The following PI4KA variants were observed in gnomAD, a reference collection of about 807,000 sequenced individuals.
PI4KA encodes the protein PI4-kinase alpha.
PI4KA carries 122 observed loss-of-function variants against 271.4 expected under a neutral mutation model. That is an observed-to-expected ratio of 0.45 (90% CI 0.39 to 0.52). The LOEUF (loss-of-function observed/expected upper bound fraction) is 0.52, where lower values mean the gene tolerates loss of function less well. Ranked by LOEUF, PI4KA falls within the 20% of genes least tolerant of loss-of-function variation. The pLI is 0.00. For synonymous variants in PI4KA, 1,041 were observed against 1,078.8 expected (o/e 0.96, Z 0.69); for missense variants, 1,969 against 2,769.1 (o/e 0.71, Z 6.48).
At chr22:20,715,785 T>A (rs1925924587) in intron 45 of PI4KA, among the ~76,000 whole-genome samples, 1 of 152,222 alleles carries the variant, frequency 6.6e-6, no homozygotes, top group East Asian at 1.9e-4. Context: ...ACATTGTTTC[T>A]TTATGTTTAT....
intron 1 of PI4KA, among the ~76,000 whole-genome samples, chr22:20,848,415 G>A (rs1051146015): frequency 6.6e-6 from 1 of 151,982 alleles, no homozygotes; most frequent in African/African-American, 2.4e-5. Context: ...TCTTGAAAAG[G>A]AAGGACAAAA....
chr22:20,786,781 T>C (rs1280476053), intron 19 of PI4KA: 7 of 1,270,016 alleles, frequency 5.5e-6, no homozygotes, highest in Non-Finnish European at 8.0e-6. Flanking sequence ...ATGTTGTCTT[T>C]GGATCCTTTC....
At chr22:20,727,420 C>A in intron 40 of PI4KA, 23 bp from the exon 41 acceptor site, 1 of 1,584,914 alleles carries the variant, frequency 6.3e-7, no homozygotes, top group Non-Finnish European at 8.6e-7. Flanking sequence ...TGGGGAGATG[C>A]TGTGGCTTGG....
chr22:20,845,775 G>A (rs1023857897), intron 1 of PI4KA, among the ~76,000 whole-genome samples: 2 of 152,186 alleles, frequency 1.3e-5, no homozygotes, highest in African/African-American at 4.8e-5. Flanking sequence ...TGAGGTGGGA[G>A]TACTGCTTGA....
intron 32 of PI4KA, among the ~76,000 whole-genome samples, chr22:20,735,439 T>G (rs1487247949): frequency 6.8e-6 from 1 of 147,256 alleles, no homozygotes; most frequent in African/African-American, 2.5e-5. Context: ...TTCTTCCTCA[T>G]GAGGTGGATC....
At chr22:20,718,245 T>C (rs1351967064) in intron 44 of PI4KA, among the ~76,000 whole-genome samples, 1 of 152,196 alleles carries the variant, frequency 6.6e-6, no homozygotes, top group East Asian at 1.9e-4. Context: ...CCCTTATGAA[T>C]GCACAAAGCC....
chr22:20,822,317 G>A (rs968607797), intron 4 of PI4KA, among the ~76,000 whole-genome samples: 1 of 152,180 alleles, frequency 6.6e-6, no homozygotes, highest in Non-Finnish European at 1.5e-5. Flanking sequence ...AGAATGTTGG[G>A]ATTACAGGCG....
chr22:20,712,576 G>A lies in PI4KA; in HGVS notation c.5712C>T (p.Ser1904=), dbSNP rs764921405. 15 of 1,589,774 alleles carry A rather than the reference G, an allele frequency of 9.4e-6. No individual in the cohort carries two copies. The highest frequency in any genetic ancestry group is 1.2e-5 in the Non-Finnish European group (14 of 1,169,616). ...CTGTCTGGCGGCCCAGCTGGTCCCG[G>A]GAGGTGCAGTCGGGGATGCACTCGA... The part of the protein sequence containing the change: ...GVIECIPDCT[S]RDQLGRQTDF... The change falls in exon 50 of 55, where the codon TCC becomes TCT. Residue 1904 remains serine (S), a synonymous_variant. Coordinates refer to ENST00000255882, the MANE Select transcript of PI4KA (RefSeq NM_058004.4).
intron 32 of PI4KA, 72 bp downstream of exon 32, chr22:20,742,156 G>T: frequency 6.6e-7 from 1 of 1,509,772 alleles, no homozygotes; most frequent in Non-Finnish European, 9.0e-7. Flanking sequence ...TGGTGGTGGC[G>T]GCACCAGGGA....
chr22:20,828,679 C>G (rs201971472), intron 3 of PI4KA, among the ~76,000 whole-genome samples: 1 of 152,068 alleles, frequency 6.6e-6, no homozygotes, highest in Non-Finnish European at 1.5e-5. Flanking sequence ...CTCAGCCTCC[C>G]GAGTAGCTGG....
intron 10 of PI4KA, among the ~76,000 whole-genome samples, chr22:20,806,841 C>T (rs1935682095): frequency 6.6e-6 from 1 of 151,932 alleles, no homozygotes; most frequent in Non-Finnish European, 1.5e-5. Flanking sequence ...AGCGATTCTC[C>T]TGCCTCAGCC....
intron 1 of PI4KA, among the ~76,000 whole-genome samples, chr22:20,847,035 C>A (rs1001346161): frequency 5.9e-5 from 9 of 151,608 alleles, no homozygotes; most frequent in Non-Finnish European, 2.9e-5. Context: ...GTAATCCCAG[C>A]CACTCAGAAG....
At position 20,813,392 on chromosome 22, in the gene PI4KA, A is replaced by G. The variant is rs778152447; in HGVS notation, c.971T>C (p.Ile324Thr). The G allele has an allele frequency of 6.2e-7, 1 of 1,613,730 alleles. No individual in the cohort carries two copies. ...FNGVTYKEFN[I>T]PLEMLRELLN... ...GAGTTCCCGAAGCATTTCCAATGGA[A>G]TGTTAAACTCCTTATATGTGACACC... Residue 324 changes from isoleucine (I) to threonine (T), a missense_variant, in exon 8 of 55, where the codon ATT becomes ACT. By Grantham distance (89) the Ile-to-Thr change is moderately conservative. Coordinates refer to ENST00000255882, the MANE Select transcript of PI4KA (RefSeq NM_058004.4).
At position 20,727,848 on chromosome 22, in the gene PI4KA, C is replaced by T; in HGVS notation, c.4699G>A (p.Ala1567Thr). Residue 1567 changes from alanine to threonine, a missense_variant, in exon 40 of 55, where the codon GCC (alanine) becomes ACC (threonine). Coordinates refer to ENST00000255882, the MANE Select transcript of PI4KA (RefSeq NM_058004.4). ...AGACGGGTCACTTCGTTCCCAATGG[C>T]TTCTGTGTTCTTAAACCTACAGTGC... The part of the protein sequence containing the change: ...QLPARFKNTE[A>T]IGNEVTRLVR... 1.9e-6 allele frequency: 3 copies of T among 1,613,980 alleles called. No homozygotes were observed. Among genetic ancestry groups the T allele is most frequent in the East Asian group, 4.5e-5 (2 of 44,886 alleles).
chr22:20,799,292 C>T lies in PI4KA; in HGVS notation c.1821-16G>A, dbSNP rs749226737. 5.3e-6 allele frequency: 8 copies of T among 1,510,054 alleles called. No individual in the cohort carries two copies. The highest frequency in any genetic ancestry group is 4.7e-5 in the East Asian group (2 of 42,914). The allele number at this position is 1,510,054 out of a possible 1,614,324, so 93.5% of individuals were successfully genotyped here. A position where few individuals can be genotyped will look rare whatever the true frequency, so the allele number is the denominator to read the frequency against. ...GTGAGCGTCCCTACAGAAGGAAGAA[C>T]AGAAGCGCCCTAGCAACAGTCCCTC... On this transcript the variant is annotated splice_polypyrimidine_tract_variant and intron_variant, in intron 15 of 54. Transcript: ENST00000255882.
chr22:20,847,702 A>G lies in PI4KA; in HGVS notation c.157-8971T>C, dbSNP rs531770790. ...GTCCAGGCTATAGTAAGCTGTGATAATACCACTGCATACCACTGCTCTCCA... is the reference window on the plus strand; with the variant it reads ...GTCCAGGCTATAGTAAGCTGTGATAGTACCACTGCATACCACTGCTCTCCA... On this transcript the variant is annotated intron_variant, in intron 1 of 54. Coordinates refer to ENST00000255882, the MANE Select transcript of PI4KA (RefSeq NM_058004.4). Among the ~76,000 whole-genome samples, 17 of 152,074 alleles carry G rather than the reference A, an allele frequency of 1.1e-4. No homozygotes were observed. In the South Asian group the frequency reaches 3.5e-3, roughly 32 times the overall value.
At chr22:20,712,062 GTTTT>G (rs1312900074) in intron 50 of PI4KA, among the ~76,000 whole-genome samples, 3 of 125,132 alleles carry the variant, frequency 2.4e-5, no homozygotes, top group Non-Finnish European at 5.0e-5. Context: ...GTTTTTTTGT[GTTTT>G]TTTTTTTTTG....
intron 13 of PI4KA, among the ~76,000 whole-genome samples, chr22:20,802,501 G>C (rs181116869): frequency 1.3e-5 from 2 of 152,276 alleles, no homozygotes; most frequent in East Asian, 1.9e-4. Context: ...TAGAGCCTGA[G>C]AGAACCCTCC....
intron 9 of PI4KA, among the ~76,000 whole-genome samples, chr22:20,809,419 G>C (rs573696805): frequency 8.1e-5 from 11 of 136,304 alleles, no homozygotes; most frequent in Admixed American, 7.0e-4. Context: ...TCTAGGTCAA[G>C]ATTACAAGAA....
Sources: gnomAD v4.1 joint callset for allele counts (sites outside exome capture counted in the v4.1 genomes callset) on GRCh38, gnomAD v4.1.1 for gene constraint, MANE v1.5 for transcripts, NCBI Gene and HGNC (gene_info 2026-07-23, HGNC 2026-07-21) for gene names.